Variants in AHDC1 observed in about 807,000 individuals in gnomAD.
The protein encoded by AHDC1 is transcription factor Gibbin.
AHDC1 carries 7 observed loss-of-function variants against 87.9 expected under a neutral mutation model. The ratio of observed to expected loss-of-function variants is 0.08; its 90% CI spans 0.05 to 0.15. The LOEUF (loss-of-function observed/expected upper bound fraction) is 0.15, where lower values mean the gene tolerates loss of function less well. AHDC1 is among the 10% of genes least tolerant of loss of function. The probability of loss-of-function intolerance (pLI) is 1.00; values close to 1 mark genes in which losing one functional copy is unlikely to be tolerated. For synonymous variants in AHDC1, 1,051 were observed against 1,006.8 expected, an observed-to-expected ratio of 1.04 and a Z score of -0.83; for missense variants, 1,841 against 2,253.2, an observed-to-expected ratio of 0.82 and a Z score of 3.70.
At chr1:27,535,358 C>T (rs908019353) in intron 8 of AHDC1, among the ~76,000 whole-genome samples, 9 of 152,170 alleles carry the variant, frequency 5.9e-5, no homozygotes, top group Non-Finnish European at 5.9e-5. Flanking sequence ...GAGGATTCAG[C>T]GGTATAGGAC....
intron 3 of AHDC1, among the ~76,000 whole-genome samples, chr1:27,585,916 G>C (rs2089042064): frequency 6.6e-6 from 1 of 152,164 alleles, no homozygotes; most frequent in African/African-American, 2.4e-5. Flanking sequence ...TCTATACAAG[G>C]GGTTAATCCC....
chr1:27,535,103 A>C (rs1237451210), intron 8 of AHDC1, among the ~76,000 whole-genome samples, 187 bp from the exon 9 acceptor site: 2 of 152,174 alleles, frequency 1.3e-5, no homozygotes, highest in Non-Finnish European at 2.9e-5. Context: ...CAGTTTCCCC[A>C]TCTGTAAAAT....
At position 27,565,475 on chromosome 1, in the gene AHDC1, G is replaced by A. The variant is rs2020278455; in HGVS notation, c.-628-6592C>T. On this transcript the variant is annotated intron_variant, in intron 3 of 8. Transcript: ENST00000673934. The surrounding 1 kb of genome is among the most constrained non-coding windows in gnomAD (Gnocchi z 4.6). ...CAGGGGCTGCCAGTCTTGAAGGGAG[G>A]CGAGGCACTGTCCTCCACCCAACCC... Among the ~76,000 whole-genome samples the A allele has an allele frequency of 6.6e-6, 1 of 152,194 alleles. No homozygotes were observed. Among genetic ancestry groups the A allele is most frequent in the African/African-American group, 2.4e-5 (1 of 41,446 alleles).
chr1:27,534,963 G>C (rs1426374374), intron 8 of AHDC1, 47 bp from the exon 9 acceptor site: 1 of 152,154 alleles, frequency 6.6e-6, no homozygotes, highest in African/African-American at 2.4e-5. Flanking sequence ...GGCACGCATC[G>C]ACTGTGCTCT....
At chr1:27,589,698 G>A (rs931261728) in intron 3 of AHDC1, among the ~76,000 whole-genome samples, 3 of 152,204 alleles carry the variant, frequency 2.0e-5, no homozygotes, top group Admixed American at 2.0e-4. Flanking sequence ...ATATGTGTGT[G>A]TCTGTATCTG....
intron 3 of AHDC1, among the ~76,000 whole-genome samples, chr1:27,577,206 G>A (rs2088780300): frequency 6.6e-6 from 1 of 152,212 alleles, no homozygotes. Flanking sequence ...CTGAGACCCG[G>A]GGATAGGATC....
chr1:27,575,663 C>T (rs1213266480), intron 3 of AHDC1, among the ~76,000 whole-genome samples: 1 of 151,616 alleles, frequency 6.6e-6, no homozygotes, highest in Non-Finnish European at 1.5e-5. Flanking sequence ...GCCGGCCGGC[C>T]GCGCGGCCCG....
At chr1:27,600,822 AG>A (rs2089510290) in intron 3 of AHDC1, among the ~76,000 whole-genome samples, 1 of 152,192 alleles carries the variant, frequency 6.6e-6, no homozygotes, top group Admixed American at 6.5e-5. Context: ...AGGGGGTTCC[AG>A]AAGCCTCCCA....
chr1:27,549,839 T>C lies in AHDC1; in HGVS notation c.2277A>G (p.Pro759=). 1.2e-6 allele frequency: 2 copies of C among 1,613,272 alleles called. No homozygotes were observed. Among genetic ancestry groups the C allele is most frequent in the Non-Finnish European group, 1.7e-6 (2 of 1,179,560 alleles). ...ACTCAGCACCTGCCTCCCCAAAGCCTGGGCCACTGGGCACCTGCTCTGGGA... is the reference window on the plus strand; with the variant it reads ...ACTCAGCACCTGCCTCCCCAAAGCCCGGGCCACTGGGCACCTGCTCTGGGA... ...TLFPEQVPSG[P]GFGEAGAEWA... Residue 759 remains proline (P), a synonymous_variant, in exon 8 of 9, where the codon CCA becomes CCG. Transcript: ENST00000673934.
At chr1:27,586,343 G>A (rs1557701508) in intron 3 of AHDC1, among the ~76,000 whole-genome samples, 2 of 152,006 alleles carry the variant, frequency 1.3e-5, no homozygotes, top group Admixed American at 1.3e-4. Flanking sequence ...AGGACCCCTG[G>A]GATGAGACAG....
Position 27,562,944 on chromosome 1 carries a change from A to C in AHDC1, c.-628-4061T>G, listed in dbSNP as rs959051474. 2.0e-5 allele frequency among the ~76,000 whole-genome samples: 3 copies of C among 152,174 alleles called. No homozygotes were observed. The highest frequency in any genetic ancestry group is 6.5e-5 in the Admixed American group (1 of 15,282). Reference sequence around the variant, plus strand: ...GGTGACAACCCTCCTAACGGGATGAACTAAGCACATAACCTGTCGCTTCCT... The same window carrying C: ...GGTGACAACCCTCCTAACGGGATGACCTAAGCACATAACCTGTCGCTTCCT... On this transcript the variant is annotated intron_variant, in intron 3 of 8. Transcript: ENST00000673934. The surrounding 1 kb of genome is among the most constrained non-coding windows in gnomAD (Gnocchi z 4.4).
At chr1:27,589,082 G>C (rs1015507779) in intron 3 of AHDC1, among the ~76,000 whole-genome samples, 1 of 151,926 alleles carries the variant, frequency 6.6e-6, no homozygotes, top group Non-Finnish European at 1.5e-5. Context: ...CCATGGCCTC[G>C]ACCACAGGCC....
rs1190901676 is a variant in AHDC1, at chr1:27,595,500, G to A, written c.-629+7897C>T. On this transcript the variant is annotated intron_variant, in intron 3 of 8. Coordinates refer to ENST00000673934, the MANE Select transcript of AHDC1 (RefSeq NM_001371928.1). This position sits in a 1 kb window ranked among gnomAD's most constrained non-coding sequence, Gnocchi z 4.0. Reference sequence around the variant, plus strand: ...TGTGTGTGTTGGGGTGTTTAGGGATGTATTGGGGGGTCATAAAAATGTGGG... The same window carrying A: ...TGTGTGTGTTGGGGTGTTTAGGGATATATTGGGGGGTCATAAAAATGTGGG... 1.3e-5 allele frequency among the ~76,000 whole-genome samples: 2 copies of A among 151,422 alleles called. No homozygotes were observed. The highest frequency in any genetic ancestry group is 2.4e-5 in the African/African-American group (1 of 41,074).
chr1:27,584,365 C>G (rs2088988777), intron 3 of AHDC1, among the ~76,000 whole-genome samples: 1 of 152,202 alleles, frequency 6.6e-6, no homozygotes, highest in Non-Finnish European at 1.5e-5. Context: ...TGTTTTATCT[C>G]ATTTGAGCCT....
chr1:27,579,553 C>A (rs889041577), intron 3 of AHDC1, among the ~76,000 whole-genome samples: 2 of 152,116 alleles, frequency 1.3e-5, no homozygotes, highest in African/African-American at 4.8e-5. Context: ...TGCCATGGAT[C>A]TAGGTTCCAG....
intron 3 of AHDC1, among the ~76,000 whole-genome samples, chr1:27,586,126 A>T (rs2089049675): frequency 6.6e-6 from 1 of 152,212 alleles, no homozygotes; most frequent in African/African-American, 2.4e-5. Context: ...AAGGGTGCCT[A>T]AGCGCCATCC....
At position 27,547,603 on chromosome 1, in the gene AHDC1, G is replaced by A; in HGVS notation, c.4513C>T (p.Leu1505=). ...TEAACLSAPH[L]ASPPATPKAD... ...TTGGGCGTGGCTGGTGGGCTAGCCA[G>A]GTGAGGGGCACTGAGGCACGCGGCC... The change falls in exon 8 of 9, where the codon CTG becomes TTG. Residue 1505 remains leucine, a synonymous_variant. Transcript: ENST00000673934. The surrounding 1 kb of genome is among the most constrained non-coding windows in gnomAD (Gnocchi z 4.9). The A allele has an allele frequency of 6.2e-7, 1 of 1,605,464 alleles. No individual in the cohort carries two copies.
At chr1:27,579,307 C>T (rs1277538432) in intron 3 of AHDC1, among the ~76,000 whole-genome samples, 2 of 152,092 alleles carry the variant, frequency 1.3e-5, no homozygotes, top group South Asian at 2.1e-4. Context: ...TCTCTGGATC[C>T]GTATCTGTGT....
In AHDC1 at chr1:27,552,433, C is replaced by T. The variant is rs60683756; in HGVS notation, c.-74-244G>A. 2,494 of 298,672 alleles carry T rather than the reference C, an allele frequency of 8.4e-3. 55 individuals carry two copies. Among genetic ancestry groups the T allele is most frequent in the African/African-American group, 0.05 (2,275 of 45,490 alleles). The allele number at this position is 298,672 out of a possible 1,614,324, so 18.5% of individuals were successfully genotyped here. On this transcript the variant is annotated intron_variant, in intron 7 of 8. Coordinates refer to ENST00000673934, the MANE Select transcript of AHDC1 (RefSeq NM_001371928.1). ...TTTTTTTTTGGAAGAGAGTCTCACT[C>T]TGTCGCCCAGGCTAGAGTGAAGCAG...
Sources: gnomAD v4.1 joint callset for allele counts (sites outside exome capture counted in the v4.1 genomes callset) on GRCh38, gnomAD v4.1.1 for gene constraint, Gnocchi (gnomAD v3.1) non-coding constraint, MANE v1.5 for transcripts, NCBI Gene and HGNC (gene_info 2026-07-23, HGNC 2026-07-21) for gene names.